The following KIAA1217 variants were observed in gnomAD, a reference collection of about 807,000 sequenced individuals.
KIAA1217 encodes sickle tail protein homolog.
Under a neutral mutation model 163.9 loss-of-function variants are expected in KIAA1217, and 88 were observed. The ratio of observed to expected loss-of-function variants is 0.54; its 90% CI spans 0.45 to 0.64. KIAA1217 has a LOEUF of 0.64. Ranked by LOEUF, KIAA1217 falls within the 30% of genes least tolerant of loss-of-function variation. KIAA1217 has a pLI of 0.00. For synonymous variants in KIAA1217, 903 were observed against 923.1 expected (o/e 0.98, Z 0.39); for missense variants, 2,372 against 2,475.0 (o/e 0.96, Z 0.88).
At chr10:23,852,786 G>T (rs908119126) in intron 1 of KIAA1217, among the ~76,000 whole-genome samples, 1 of 152,108 alleles carries the variant, frequency 6.6e-6, no homozygotes, top group Non-Finnish European at 1.5e-5. Flanking sequence ...AATTGTGAAT[G>T]GGAGTTCACT....
At chr10:24,183,993 G>A (rs985990581) in intron 2 of KIAA1217, among the ~76,000 whole-genome samples, 2 of 152,100 alleles carry the variant, frequency 1.3e-5, no homozygotes, top group African/African-American at 2.4e-5. Flanking sequence ...TATCTCCCCT[G>A]AGCCCTCCCA....
chr10:24,275,923 T>C lies in KIAA1217; in HGVS notation c.354+56014T>C, dbSNP rs546636844. On this transcript the variant is annotated intron_variant, in intron 2 of 20. Transcript: ENST00000376454. ...GGTCCTGATATTCCTTTTTAAACTG[T>C]CTTTCCATACCCCTCCCTCCAGTGG... 493 of 417,006 alleles carry C rather than the reference T, an allele frequency of 1.2e-3. 1 individual carries two copies. The highest frequency in any genetic ancestry group is 2.1e-3 in the Non-Finnish European group (445 of 208,678). 25.8% of individuals were successfully genotyped at this position (417,006 alleles called of 1,614,324 possible).
intron 1 of KIAA1217, among the ~76,000 whole-genome samples, chr10:23,735,451 ATAGTTAGACTCAAATTTTTATAAATCTAT>A (rs1838740223): frequency 6.6e-6 from 1 of 152,114 alleles, no homozygotes; most frequent in African/African-American, 2.4e-5. Flanking sequence ...TATACTTTAT[ATAGTTAGACTCAAATTTTTATAAATCTAT>A]GGAAGTAAAA....
At chr10:24,527,031 G>A (rs1261282917) in intron 13 of KIAA1217, among the ~76,000 whole-genome samples, 1 of 152,072 alleles carries the variant, frequency 6.6e-6, no homozygotes, top group Non-Finnish European at 1.5e-5. Context: ...AATTATTAAT[G>A]TGCTGGTTCA....
chr10:24,523,029 C>G (rs566893208), intron 12 of KIAA1217, among the ~76,000 whole-genome samples: 1 of 151,422 alleles, frequency 6.6e-6, no homozygotes, highest in Non-Finnish European at 1.5e-5. Context: ...GGCACGTGCT[C>G]GTAATCCCAG....
intron 2 of KIAA1217, among the ~76,000 whole-genome samples, chr10:24,276,356 C>T (rs151333488): frequency 6.6e-6 from 1 of 152,296 alleles, no homozygotes; most frequent in East Asian, 1.9e-4. Context: ...ACTTAGAATT[C>T]CATCTCGTTC....
chr10:24,164,282 T>TTAA (rs1206461393), intron 2 of KIAA1217, among the ~76,000 whole-genome samples: 1 of 152,218 alleles, frequency 6.6e-6, no homozygotes, highest in African/African-American at 2.4e-5. Context: ...GGGAATCACT[T>TTAA]AGGTTCACTT....
chr10:24,176,946 C>G (rs886373446), intron 2 of KIAA1217, among the ~76,000 whole-genome samples: 5 of 152,106 alleles, frequency 3.3e-5, no homozygotes, highest in African/African-American at 1.2e-4. Context: ...ACCCAGCACA[C>G]CCTCTGCAGT....
intron 2 of KIAA1217, among the ~76,000 whole-genome samples, chr10:24,013,539 T>C (rs1847342272): frequency 1.3e-5 from 2 of 152,082 alleles, no homozygotes; most frequent in African/African-American, 4.8e-5. Flanking sequence ...TTATAGATCA[T>C]AATTAGTGTG....
At position 24,438,487 on chromosome 10, in the gene KIAA1217, T is replaced by C; in HGVS notation, c.846+8T>C. ...ATGAATGGAGACATGAGGGTAAGTG[T>C]TTCTGTCATATTTTTACTTATCTTC... On this transcript the variant is annotated splice_region_variant and intron_variant, in intron 5 of 20. Coordinates refer to ENST00000376454, the MANE Select transcript of KIAA1217 (RefSeq NM_019590.5). The C allele has an allele frequency of 1.9e-6, 3 of 1,583,944 alleles. No homozygotes were observed. The highest frequency in any genetic ancestry group is 2.6e-6 in the Non-Finnish European group (3 of 1,152,574).
exon 2 of KIAA1217, chr10:24,007,272 G>A (rs1271703352): frequency 1.3e-5 from 2 of 152,054 alleles, no homozygotes; most frequent in Non-Finnish European, 1.5e-5. Context: ...ACTGTGTCCT[G>A]GAGACGGAGT....
chr10:24,080,446 C>T (rs139006303), intron 2 of KIAA1217, among the ~76,000 whole-genome samples: 6 of 152,230 alleles, frequency 3.9e-5, no homozygotes, highest in Middle Eastern at 6.8e-3. Flanking sequence ...TGGATCCTTC[C>T]GGAAACAGCC....
chr10:23,844,887 T>TA (rs1838947188), intron 1 of KIAA1217, among the ~76,000 whole-genome samples: 1 of 152,054 alleles, frequency 6.6e-6, no homozygotes, highest in African/African-American at 2.4e-5. Context: ...TATCCTCCCC[T>TA]AGCCCCCCGC....
chr10:23,823,035 A>G (rs181562005), intron 1 of KIAA1217, among the ~76,000 whole-genome samples: 30 of 152,318 alleles, frequency 2.0e-4, no homozygotes, highest in Admixed American at 1.8e-3. Context: ...TTTTATTGCT[A>G]CAGTAACAAA....
At chr10:24,544,954 TC>T (rs749337494) in intron 19 of KIAA1217, 26 bp from the exon 20 acceptor site, 8 of 1,608,266 alleles carry the variant, frequency 5.0e-6, no homozygotes, top group Middle Eastern at 1.7e-4. Context: ...CTCCTTCTCT[TC>T]CCCCTCTCAC....
At chr10:24,487,694 G>A (rs1455611653) in intron 6 of KIAA1217, among the ~76,000 whole-genome samples, 1 of 152,188 alleles carries the variant, frequency 6.6e-6, no homozygotes, top group African/African-American at 2.4e-5. Flanking sequence ...TGCACTGTAA[G>A]TGAAATGCAG....
At chr10:24,273,884 C>T (rs2077013319) in intron 2 of KIAA1217, among the ~76,000 whole-genome samples, 1 of 151,044 alleles carries the variant, frequency 6.6e-6, no homozygotes, top group South Asian at 2.1e-4. Context: ...GTTACTGTTG[C>T]AGGGATTGGG....
intron 2 of KIAA1217, among the ~76,000 whole-genome samples, chr10:24,031,213 G>GT (rs1359095753): frequency 1.8e-4 from 28 of 151,792 alleles, no homozygotes; most frequent in Admixed American, 1.2e-3. Flanking sequence ...TCTGTTTTTT[G>GT]TTTTTTTCAT....
In KIAA1217 at chr10:24,283,479, C is replaced by A. The variant is rs1442089692; in HGVS notation, c.354+63570C>A. Among the ~76,000 whole-genome samples, 3 of 152,186 alleles carry A rather than the reference C, an allele frequency of 2.0e-5. No individual in the cohort carries two copies. The East Asian group carries it at 5.8e-4, about 30-fold the overall frequency. Reference sequence around the variant, plus strand: ...GTCAGGAGTTCAGGAACAGCCTGGTCAACATGGCAAAATCCCATGTCTACT... The same window carrying A: ...GTCAGGAGTTCAGGAACAGCCTGGTAAACATGGCAAAATCCCATGTCTACT... On this transcript the variant is annotated intron_variant, in intron 2 of 20. Coordinates refer to ENST00000376454, the MANE Select transcript of KIAA1217 (RefSeq NM_019590.5).
Sources: gnomAD v4.1 joint callset for allele counts (sites outside exome capture counted in the v4.1 genomes callset) on GRCh38, gnomAD v4.1.1 for gene constraint, MANE v1.5 for transcripts, NCBI Gene and HGNC (gene_info 2026-07-23, HGNC 2026-07-21) for gene names.